UBQLN1: variants seen among roughly 807,000 people sequenced by gnomAD.
UBQLN1 encodes ubiquilin-1.
A neutral mutation model predicts 65.4 loss-of-function variants in UBQLN1; 13 were observed. The observed-to-expected ratio is 0.20, with a 90% CI of 0.13 to 0.32. The LOEUF is 0.32. Ranked by LOEUF, UBQLN1 falls within the 10% of genes least tolerant of loss-of-function variation. The pLI is 1.00. For missense variants in UBQLN1, 561 were observed against 724.0 expected (o/e 0.77, Z 2.58); for synonymous variants, 267 against 247.8 (o/e 1.08, Z -0.73).
intron 1 of UBQLN1, among the ~76,000 whole-genome samples, chr9:83,705,440 G>C (rs113389628): frequency 6.6e-6 from 1 of 152,082 alleles, no homozygotes. Context: ...AGTAGAGACG[G>C]GGTTTCACCC....
At chr9:83,693,718 T>C (rs1832164900) in intron 1 of UBQLN1, among the ~76,000 whole-genome samples, 1 of 152,164 alleles carries the variant, frequency 6.6e-6, no homozygotes, top group Non-Finnish European at 1.5e-5. Context: ...CTGTTCTCAA[T>C]TGTTTTTGAG....
At chr9:83,665,932 G>GA (rs1315052353) in intron 8 of UBQLN1, among the ~76,000 whole-genome samples, 5 of 151,812 alleles carry the variant, frequency 3.3e-5, no homozygotes, top group African/African-American at 7.3e-5. Context: ...ACCCCTTGGG[G>GA]AAAAAAAGCC....
At chr9:83,669,006 A>G in intron 7 of UBQLN1, 179 bp downstream of exon 7, 2 of 656,816 alleles carry the variant, frequency 3.0e-6, no homozygotes, top group East Asian at 3.4e-5. Context: ...TTAATTACAT[A>G]TGAAGTATTA....
chr9:83,684,156 G>A (rs1195261638), intron 2 of UBQLN1, among the ~76,000 whole-genome samples: 1 of 151,932 alleles, frequency 6.6e-6, no homozygotes, highest in Non-Finnish European at 1.5e-5. Flanking sequence ...TTCACCAAAA[G>A]AAAGCCAACA....
intron 7 of UBQLN1, chr9:83,668,363 T>G (rs1040397927): frequency 3.0e-6 from 3 of 985,306 alleles, no homozygotes; most frequent in Non-Finnish European, 3.6e-6. Flanking sequence ...TCCAAATTCC[T>G]GACACACTAC....
chr9:83,667,409 G>C (rs962134476), intron 7 of UBQLN1: 2 of 730,232 alleles, frequency 2.7e-6, no homozygotes, highest in Non-Finnish European at 3.3e-6. Flanking sequence ...CCGTATTTAA[G>C]AGCAATGTAA....
intron 1 of UBQLN1, among the ~76,000 whole-genome samples, chr9:83,686,690 C>A (rs532155393): frequency 2.1e-4 from 32 of 152,280 alleles, no homozygotes; most frequent in African/African-American, 7.5e-4. Context: ...CTGTTCCTTT[C>A]TTTCTAGTTG....
At chr9:83,683,852 T>C (rs975718598) in intron 2 of UBQLN1, among the ~76,000 whole-genome samples, 5 of 152,066 alleles carry the variant, frequency 3.3e-5, no homozygotes, top group African/African-American at 1.2e-4. Flanking sequence ...TAAAACCCTA[T>C]CTCTACTAAA....
chr9:83,683,598 CTT>C lies in UBQLN1; in HGVS notation c.333-534_333-533del, dbSNP rs565393424. On this transcript the variant is annotated intron_variant, in intron 2 of 10. Coordinates refer to ENST00000376395, the MANE Select transcript of UBQLN1 (RefSeq NM_013438.5). Reference sequence around the variant, plus strand: ...AAAATATGCTGCAATTGCCCCTCCTCTTTGAGTATAATGTACACAAATATTTC... The same window carrying C: ...AAAATATGCTGCAATTGCCCCTCCTCTGAGTATAATGTACACAAATATTTC... Among the ~76,000 whole-genome samples, 17 of 152,208 alleles carry C rather than the reference CTT, an allele frequency of 1.1e-4. No individual in the cohort carries two copies. In the South Asian group the frequency reaches 1.9e-3, roughly 17 times the overall value.
intron 10 of UBQLN1, among the ~76,000 whole-genome samples, chr9:83,662,273 TACACACACACACACACACAC>T (rs370539805): frequency 3.5e-5 from 5 of 143,350 alleles, no homozygotes; most frequent in African/African-American, 5.3e-5. Flanking sequence ...CATATACATA[TACACACACACACACACACAC>T]ACACACACAC....
At chr9:83,705,344 G>A (rs892834305) in intron 1 of UBQLN1, among the ~76,000 whole-genome samples, 12 of 147,950 alleles carry the variant, frequency 8.1e-5, no homozygotes, top group Admixed American at 3.4e-4. Context: ...AGGTTCAAGC[G>A]ATGATTCTCC....
chr9:83,661,146 G>A lies in UBQLN1; in HGVS notation c.*641C>T, dbSNP rs1831555761. On this transcript the variant is annotated 3_prime_UTR_variant, in exon 11 of 11. Transcript: ENST00000376395. ...AACCTGACTAACCGGCACTTTTGCT[G>A]GGAGATGTTTGTCAAAGATGCTGTA... 1 of 152,204 alleles carries A rather than the reference G, an allele frequency of 6.6e-6. No homozygotes were observed. Among genetic ancestry groups the A allele is most frequent in the Admixed American group, 6.5e-5 (1 of 15,286 alleles). The allele number at this position is 152,204 out of a possible 1,614,324, so 9.4% of individuals were successfully genotyped here.
chr9:83,662,273 TACACACACACACACACACACACACAC>T, intron 10 of UBQLN1, among the ~76,000 whole-genome samples: 1 of 143,436 alleles, frequency 7.0e-6, no homozygotes, highest in East Asian at 2.1e-4. Flanking sequence ...CATATACATA[TACACACACACACACACACACACACAC>T]ACACACACAC....
intron 6 of UBQLN1, among the ~76,000 whole-genome samples, chr9:83,670,090 A>G (rs1831706373): frequency 6.6e-6 from 1 of 152,114 alleles, no homozygotes; most frequent in East Asian, 1.9e-4. Context: ...TGTGAATTCC[A>G]TATGTGATGA....
At chr9:83,689,888 A>G (rs980370873) in intron 1 of UBQLN1, among the ~76,000 whole-genome samples, 1 of 152,258 alleles carries the variant, frequency 6.6e-6, no homozygotes, top group Non-Finnish European at 1.5e-5. Context: ...CACAAAAATG[A>G]AATCCTTTTC....
Position 83,707,664 on chromosome 9 carries a change from C to T in UBQLN1, c.16G>A (p.Glu6Lys). 6.4e-7 allele frequency: 1 copy of T among 1,555,392 alleles called. No homozygotes were observed. Among genetic ancestry groups the T allele is most frequent in the South Asian group, 1.2e-5 (1 of 85,428 alleles). ...TGGGAGCCCGGAGGACCGCCGCTTT[C>T]ACCACTCTCGGCCATGGCTGTGGCG... MAESG[E>K]SGGPPGSQDS... Residue 6 changes from glutamate to lysine, a missense_variant, in exon 1 of 11, where the codon GAA becomes AAA. Glu to Lys is a moderately conservative substitution (Grantham distance 56, BLOSUM62 1). Coordinates refer to ENST00000376395, the MANE Select transcript of UBQLN1 (RefSeq NM_013438.5).
intron 7 of UBQLN1, chr9:83,667,989 C>G: frequency 1.0e-6 from 1 of 985,376 alleles, no homozygotes; most frequent in Non-Finnish European, 1.2e-6. Flanking sequence ...AATTGCTACG[C>G]ATGTGCTTGT....
chr9:83,697,890 C>T (rs2131184532), intron 1 of UBQLN1, among the ~76,000 whole-genome samples: 1 of 152,190 alleles, frequency 6.6e-6, no homozygotes, highest in East Asian at 1.9e-4. Context: ...GCATGCACCA[C>T]CACACCTGGC....
intron 2 of UBQLN1, among the ~76,000 whole-genome samples, chr9:83,684,247 T>G (rs1454521211): frequency 6.6e-6 from 1 of 151,808 alleles, no homozygotes; most frequent in Non-Finnish European, 1.5e-5. Flanking sequence ...AGGCTGGAGG[T>G]GCAGTGGCAT....
Sources: allele counts gnomAD v4.1 joint callset (sites outside exome capture counted in the v4.1 genomes callset), GRCh38; gene constraint gnomAD v4.1.1; transcripts MANE v1.5; gene names NCBI Gene and HGNC (gene_info 2026-07-23, HGNC 2026-07-21).